Variants in UVRAG observed in about 807,000 individuals in gnomAD.
UVRAG encodes the protein UV radiation resistance associated, also known as UV radiation resistance-associated gene protein.
Under a neutral mutation model 78.0 loss-of-function variants are expected in UVRAG, and 19 were observed. The observed-to-expected ratio is 0.24, with a 90% CI of 0.17 to 0.36. The LOEUF (loss-of-function observed/expected upper bound fraction) is 0.36. UVRAG is among the 10% of genes least tolerant of loss of function. UVRAG has a pLI of 1.00. For synonymous variants in UVRAG, 323 were observed against 324.6 expected (o/e 1.00, Z 0.05); for missense variants, 740 against 853.8 (o/e 0.87, Z 1.66).
rs190153896 is a variant in UVRAG, at chr11:75,843,921, T to C, written c.118-7962T>C. Among the ~76,000 whole-genome samples, 155 of 147,366 alleles carry C rather than the reference T, an allele frequency of 1.1e-3. 1 individual carries two copies. Among genetic ancestry groups the C allele is most frequent in the African/African-American group, 3.5e-3 (140 of 39,438 alleles). On this transcript the variant is annotated intron_variant, in intron 1 of 14. Coordinates refer to ENST00000356136, the MANE Select transcript of UVRAG (RefSeq NM_003369.4). ...TTGCAGTGAGCTGAGATTGCGCCAC[T>C]GCACTCCAGCCTGGGTGACAGAGCA...
chr11:76,052,882 G>A (rs1018751020), intron 12 of UVRAG, among the ~76,000 whole-genome samples: 2 of 150,958 alleles, frequency 1.3e-5, no homozygotes, highest in African/African-American at 4.9e-5. Flanking sequence ...CGATATTTTC[G>A]GCCCAAATTT....
chr11:75,949,726 C>T (rs1240138386), intron 6 of UVRAG, among the ~76,000 whole-genome samples: 20 of 148,128 alleles, frequency 1.4e-4, no homozygotes, highest in African/African-American at 5.1e-4. Flanking sequence ...CACACACACA[C>T]ACACATATAC....
chr11:75,903,947 C>G (rs1461812063), intron 5 of UVRAG, among the ~76,000 whole-genome samples: 1 of 152,156 alleles, frequency 6.6e-6, no homozygotes, highest in Non-Finnish European at 1.5e-5. Flanking sequence ...TAAAAACTCT[C>G]AAAATATATA....
chr11:76,137,893 T>C (rs1952628847), intron 14 of UVRAG, among the ~76,000 whole-genome samples: 1 of 152,106 alleles, frequency 6.6e-6, no homozygotes, highest in Admixed American at 6.5e-5. Context: ...AGCAACAGAG[T>C]GAGACTTTGT....
At chr11:75,909,930 C>T (rs1947698483) in intron 5 of UVRAG, among the ~76,000 whole-genome samples, 1 of 152,140 alleles carries the variant, frequency 6.6e-6, no homozygotes, top group Admixed American at 6.5e-5. Context: ...AAATTGTTCC[C>T]TTCTCCGCTT....
chr11:76,026,946 T>A (rs1950336064), intron 12 of UVRAG, among the ~76,000 whole-genome samples: 1 of 151,742 alleles, frequency 6.6e-6, no homozygotes, highest in South Asian at 2.1e-4. Flanking sequence ...TACCTAACAG[T>A]ACACCATGGA....
chr11:75,978,820 C>T (rs1949317576), intron 7 of UVRAG, among the ~76,000 whole-genome samples: 1 of 152,152 alleles, frequency 6.6e-6, no homozygotes, highest in Non-Finnish European at 1.5e-5. Flanking sequence ...GAACATCCTC[C>T]TTTAGCTTGG....
At chr11:76,140,137 CTCTCTCTCT>C (rs1288667753) in intron 14 of UVRAG, among the ~76,000 whole-genome samples, 5 of 103,536 alleles carry the variant, frequency 4.8e-5, no homozygotes, top group African/African-American at 1.9e-4. Context: ...CTCTCTCTCT[CTCTCTCTCT>C]CTCCCTCCCT....
chr11:75,935,475 C>T (rs981987469), intron 6 of UVRAG, among the ~76,000 whole-genome samples: 1 of 147,388 alleles, frequency 6.8e-6, no homozygotes, highest in Non-Finnish European at 1.5e-5. Flanking sequence ...GTCTCTCTTT[C>T]TCTCTCTCTC....
intron 6 of UVRAG, among the ~76,000 whole-genome samples, chr11:75,918,351 C>G (rs1475732624): frequency 6.7e-6 from 1 of 149,728 alleles, no homozygotes; most frequent in Admixed American, 6.7e-5. Context: ...GCTCTCCAGT[C>G]TGAGCAACAG....
chr11:76,105,363 C>T (rs1951951426), intron 13 of UVRAG, among the ~76,000 whole-genome samples: 2 of 151,966 alleles, frequency 1.3e-5, no homozygotes, highest in South Asian at 4.2e-4. Flanking sequence ...TGTGTTTCTG[C>T]CACTGCACTC....
chr11:76,056,819 G>A (rs1227378956), intron 12 of UVRAG, among the ~76,000 whole-genome samples: 2 of 152,004 alleles, frequency 1.3e-5, no homozygotes, highest in African/African-American at 4.8e-5. Context: ...TAGTACCCCT[G>A]GCCACTCTTA....
intron 7 of UVRAG, among the ~76,000 whole-genome samples, chr11:75,974,618 G>A (rs1255460246): frequency 6.6e-6 from 1 of 151,344 alleles, no homozygotes; most frequent in Admixed American, 6.6e-5. Flanking sequence ...CACCCGCCTC[G>A]GCCTCCCAAA....
intron 13 of UVRAG, among the ~76,000 whole-genome samples, chr11:76,071,237 A>C (rs749659024): frequency 6.6e-6 from 1 of 152,224 alleles, no homozygotes; most frequent in Non-Finnish European, 1.5e-5. Context: ...ACCCTTATTG[A>C]GGAAGTGACT....
chr11:75,986,595 A>T (rs1382428526), intron 8 of UVRAG, among the ~76,000 whole-genome samples: 5 of 152,194 alleles, frequency 3.3e-5, no homozygotes, highest in Admixed American at 3.3e-4. Context: ...AAAATTGCAG[A>T]AAATTAAAAA....
intron 12 of UVRAG, among the ~76,000 whole-genome samples, chr11:76,035,500 A>G (rs983213897): frequency 1.3e-5 from 2 of 152,206 alleles, no homozygotes; most frequent in Non-Finnish European, 2.9e-5. Flanking sequence ...TGGAATAGAC[A>G]CTTAACTCAG....
intron 5 of UVRAG, among the ~76,000 whole-genome samples, chr11:75,895,787 A>C (rs976842977): frequency 6.6e-6 from 1 of 152,134 alleles, no homozygotes; most frequent in Non-Finnish European, 1.5e-5. Flanking sequence ...AGATACTGCA[A>C]TCTTAAGTAT....
At chr11:75,845,107 A>G (rs775680089) in intron 1 of UVRAG, among the ~76,000 whole-genome samples, 2 of 152,228 alleles carry the variant, frequency 1.3e-5, no homozygotes, top group African/African-American at 2.4e-5. Context: ...ATTGTGCCCT[A>G]TAATCTGTCT....
chr11:75,851,871 G>A lies in UVRAG; in HGVS notation c.118-12G>A, dbSNP rs1303976247. ...ATCTGAATGCCTTCTCTTTTTTGTT[G>A]TTATTTTTCAGCGGCGTCTTCGACA... On this transcript the variant is annotated splice_polypyrimidine_tract_variant and intron_variant, in intron 1 of 14. Coordinates refer to ENST00000356136, the MANE Select transcript of UVRAG (RefSeq NM_003369.4). 1.9e-6 allele frequency: 3 copies of A among 1,590,068 alleles called. No individual in the cohort carries two copies. In the African/African-American group the frequency reaches 4.1e-5, roughly 22 times the overall value.
Sources: allele counts gnomAD v4.1 joint callset (sites outside exome capture counted in the v4.1 genomes callset), GRCh38; gene constraint gnomAD v4.1.1; transcripts MANE v1.5; gene names NCBI Gene and HGNC (gene_info 2026-07-23, HGNC 2026-07-21).